The following SH3GL3 variants were observed in gnomAD, a reference collection of about 807,000 sequenced individuals.
The protein encoded by SH3GL3 is SH3 domain containing GRB2 like 3, endophilin A3, also known as endophilin-A3.
SH3GL3 carries 33 observed loss-of-function variants against 47.7 expected under a neutral mutation model. The ratio of observed to expected loss-of-function variants is 0.69; its 90% CI spans 0.52 to 0.92. SH3GL3 has a LOEUF of 0.92. Among genes scored for constraint, SH3GL3 ranks in the 40% least tolerant of loss-of-function variants. The probability of loss-of-function intolerance (pLI) is 0.00; values close to 1 mark genes in which losing one functional copy is unlikely to be tolerated. For synonymous variants in SH3GL3, 155 were observed against 148.8 expected, an observed-to-expected ratio of 1.04 and a Z score of -0.30; for missense variants, 363 against 417.8, an observed-to-expected ratio of 0.87 and a Z score of 1.14.
At chr15:83,569,667 T>C (rs919942339) in intron 4 of SH3GL3, among the ~76,000 whole-genome samples, 1 of 152,240 alleles carries the variant, frequency 6.6e-6, no homozygotes, top group Admixed American at 6.5e-5. Flanking sequence ...TTCCTAACCC[T>C]AGAGATTATC....
At chr15:83,630,442 C>T in the SH3GL3 span, among the ~76,000 whole-genome samples, 13 of 152,192 alleles carry the variant, frequency 8.5e-5, no homozygotes, top group Admixed American at 2.0e-4. Flanking sequence ...CTGTATTAGT[C>T]TGTTCTCATG....
intron 1 of SH3GL3, among the ~76,000 whole-genome samples, chr15:83,515,429 G>C (rs1476087734): frequency 6.6e-6 from 1 of 152,152 alleles, no homozygotes; most frequent in Non-Finnish European, 1.5e-5. Context: ...TCACCTCACA[G>C]AGATGTCATG....
intron 1 of SH3GL3, chr15:83,490,656 T>C (rs1391426162): frequency 1.0e-6 from 1 of 996,652 alleles, no homozygotes. Context: ...ACTGGCTTTC[T>C]ATCTGGGCAG....
At position 83,541,990 on chromosome 15, in the gene SH3GL3, A is replaced by G. The variant is rs146045111; in HGVS notation, c.46-17263A>G. Among the ~76,000 whole-genome samples the G allele has an allele frequency of 4.8e-3, 726 of 152,254 alleles. 4 individuals are homozygous for G. Among genetic ancestry groups the G allele is most frequent in the African/African-American group, 0.017 (697 of 41,558 alleles). ...TAACTTGATATGATCCCATCTGTCC[A>G]TTTTTGCTTTGGTTGCCTGTGCTTT... On this transcript the variant is annotated intron_variant, in intron 1 of 8. Coordinates refer to ENST00000427482, the MANE Select transcript of SH3GL3 (RefSeq NM_003027.5).
At chr15:83,519,805 C>T (rs1350344578) in intron 1 of SH3GL3, among the ~76,000 whole-genome samples, 4 of 152,170 alleles carry the variant, frequency 2.6e-5, no homozygotes, top group Admixed American at 1.3e-4. Flanking sequence ...AGTGTTTATA[C>T]GTAGCTGTTT....
rs189578767 is a variant in SH3GL3 at position 83,491,798 on chromosome 15, C to T, written c.45+44220C>T. On this transcript the variant is annotated intron_variant, in intron 1 of 8. Transcript: ENST00000427482. Reference sequence around the variant, plus strand: ...TCCATGGCATGTGGAAGAAGTTGGTCGGCTTGGGAATATGCTGAATCAAGC... The same window carrying T: ...TCCATGGCATGTGGAAGAAGTTGGTTGGCTTGGGAATATGCTGAATCAAGC... Among the ~76,000 whole-genome samples, 6 of 152,198 alleles carry T rather than the reference C, an allele frequency of 3.9e-5. No homozygotes were observed. The East Asian group carries it at 7.7e-4, about 20-fold the overall frequency.
At chr15:83,488,233 C>T (rs1332705251) in intron 1 of SH3GL3, 2 of 152,406 alleles carry the variant, frequency 1.3e-5, no homozygotes, top group East Asian at 1.9e-4. Flanking sequence ...TCCTGCAGAA[C>T]CTGAGGCCAG....
At chr15:83,517,455 C>T (rs540890144) in intron 1 of SH3GL3, among the ~76,000 whole-genome samples, 1 of 152,148 alleles carries the variant, frequency 6.6e-6, no homozygotes, top group East Asian at 1.9e-4. Context: ...ATCCACCTGC[C>T]TCACCCTCCC....
chr15:83,624,683 T>C, the SH3GL3 span, among the ~76,000 whole-genome samples: 3 of 152,178 alleles, frequency 2.0e-5, no homozygotes, highest in Non-Finnish European at 4.4e-5. Flanking sequence ...GGCAGGGGTC[T>C]AGGAATAAAA....
chr15:83,483,052 ATACT>A (rs780321695), intron 1 of SH3GL3, among the ~76,000 whole-genome samples: 9 of 152,154 alleles, frequency 5.9e-5, no homozygotes, highest in Non-Finnish European at 1.3e-4. Context: ...TCTTATGGTC[ATACT>A]TACTTTGATT....
chr15:83,505,196 G>A (rs1196102052), intron 1 of SH3GL3, among the ~76,000 whole-genome samples: 3 of 152,118 alleles, frequency 2.0e-5, no homozygotes, highest in African/African-American at 7.2e-5. Context: ...TTATGGGCAT[G>A]TTTCCTGGTG....
chr15:83,596,240 T>C (rs1020532513), intron 8 of SH3GL3, among the ~76,000 whole-genome samples: 60 of 152,360 alleles, frequency 3.9e-4, no homozygotes, highest in East Asian at 5.8e-4. Flanking sequence ...TAAGATACTT[T>C]GTATGAATCA....
chr15:83,543,307 C>T (rs939569193), intron 1 of SH3GL3, among the ~76,000 whole-genome samples: 2 of 152,090 alleles, frequency 1.3e-5, no homozygotes, highest in African/African-American at 4.8e-5. Context: ...TTGAACCATT[C>T]TTGCATTCCT....
At chr15:83,552,764 C>T (rs527917760) in intron 1 of SH3GL3, among the ~76,000 whole-genome samples, 1 of 152,098 alleles carries the variant, frequency 6.6e-6, no homozygotes, top group South Asian at 2.1e-4. Flanking sequence ...AATTTTTTAT[C>T]ATGTTTGATA....
rs1333153980 is a variant in SH3GL3 at position 83,448,158 on chromosome 15, G to A, written c.45+580G>A. 1.3e-5 allele frequency among the ~76,000 whole-genome samples: 2 copies of A among 152,170 alleles called. No individual in the cohort carries two copies. Among genetic ancestry groups the A allele is most frequent in the African/African-American group, 4.8e-5 (2 of 41,438 alleles). On this transcript the variant is annotated intron_variant, in intron 1 of 8. Transcript: ENST00000427482. The surrounding 1 kb of genome is among the most constrained non-coding windows in gnomAD (Gnocchi z 4.2). Reference sequence around the variant, plus strand: ...TCCTTCCCCTCCCCACCGTCTTCCCGGTGTCGGCCCGGGGCTGGGCATCAC... The same window carrying A: ...TCCTTCCCCTCCCCACCGTCTTCCCAGTGTCGGCCCGGGGCTGGGCATCAC...
chr15:83,473,579 G>A (rs1169059705), intron 1 of SH3GL3, among the ~76,000 whole-genome samples: 4 of 149,802 alleles, frequency 2.7e-5, no homozygotes, highest in Non-Finnish European at 4.4e-5. Context: ...ACAGAGTCTC[G>A]CTCTGTCGCC....
At chr15:83,629,183 A>G in the SH3GL3 span, among the ~76,000 whole-genome samples, 4 of 152,268 alleles carry the variant, frequency 2.6e-5, no homozygotes, top group African/African-American at 9.6e-5. Context: ...TGTAATTCAA[A>G]TAAAAATCCC....
chr15:83,509,415 C>T (rs1314242602), intron 1 of SH3GL3, among the ~76,000 whole-genome samples: 1 of 152,176 alleles, frequency 6.6e-6, no homozygotes, highest in Non-Finnish European at 1.5e-5. Context: ...GGCTTTCTGG[C>T]TTTAAACTGG....
At chr15:83,456,668 C>T (rs1454778714) in intron 1 of SH3GL3, among the ~76,000 whole-genome samples, 8 of 142,802 alleles carry the variant, frequency 5.6e-5, no homozygotes, top group South Asian at 2.5e-4. Context: ...TGCTTCGGCT[C>T]GCGCACGGTG....
Sources: allele counts gnomAD v4.1 joint callset (sites outside exome capture counted in the v4.1 genomes callset), GRCh38; gene constraint gnomAD v4.1.1; non-coding constraint Gnocchi (gnomAD v3.1); transcripts MANE v1.5; gene names NCBI Gene and HGNC (gene_info 2026-07-23, HGNC 2026-07-21).